Variants in THOC7 observed in about 807,000 individuals in gnomAD.
THOC7 encodes THO complex subunit 7.
In THOC7, 22 loss-of-function variants were observed where a neutral mutation model predicts 33.1. The ratio of observed to expected loss-of-function variants is 0.66; its 90% CI spans 0.47 to 0.95. THOC7 has a LOEUF of 0.95. Ranked by LOEUF, THOC7 falls within the 40% of genes least tolerant of loss-of-function variation. THOC7 has a pLI of 0.00. For synonymous variants in THOC7, 77 were observed against 76.8 expected (o/e 1.00, Z -0.01); for missense variants, 184 against 245.3 (o/e 0.75, Z 1.67).
chr3:63,849,509 G>C (rs1188409121), intron 1 of THOC7, among the ~76,000 whole-genome samples: 1 of 152,154 alleles, frequency 6.6e-6, no homozygotes, highest in Non-Finnish European at 1.5e-5. Flanking sequence ...AGTCTGATGT[G>C]TGCCTTCATT....
At chr3:63,835,828 T>C (rs758740528) in intron 5 of THOC7, among the ~76,000 whole-genome samples, 15 of 152,098 alleles carry the variant, frequency 9.9e-5, no homozygotes, top group Non-Finnish European at 2.2e-4. Context: ...ATTCTTATTC[T>C]TTTTTATGCA....
chr3:63,843,880 G>A (rs1038622673), intron 1 of THOC7, among the ~76,000 whole-genome samples: 1 of 151,722 alleles, frequency 6.6e-6, no homozygotes, highest in Admixed American at 6.6e-5. Flanking sequence ...CAGCCTGGGC[G>A]ACAGAGTGAG....
At chr3:63,841,746 CAAAT>C (rs1390963603) in intron 1 of THOC7, among the ~76,000 whole-genome samples, 7 of 152,104 alleles carry the variant, frequency 4.6e-5, no homozygotes, top group Non-Finnish European at 2.9e-5. Flanking sequence ...GAGACTGAGA[CAAAT>C]AAAACATAGT....
intron 1 of THOC7, among the ~76,000 whole-genome samples, chr3:63,846,600 T>A (rs1701902715): frequency 6.6e-6 from 1 of 151,980 alleles, no homozygotes; most frequent in Non-Finnish European, 1.5e-5. Flanking sequence ...AGTAGAGACG[T>A]GGTTTTACCA....
At chr3:63,837,915 C>A (rs1701667998) in intron 4 of THOC7, 61 bp downstream of exon 4, 3 of 1,465,352 alleles carry the variant, frequency 2.0e-6, no homozygotes, top group Admixed American at 2.2e-5. Flanking sequence ...ACATTAAAAA[C>A]TGCATGAAAA....
chr3:63,848,402 A>AGGGG (rs776616711), intron 1 of THOC7: 1 of 151,818 alleles, frequency 6.6e-6, no homozygotes, highest in Non-Finnish European at 1.5e-5. Context: ...CAATCAGAAA[A>AGGGG]TCGACTCCAC....
intron 1 of THOC7, among the ~76,000 whole-genome samples, chr3:63,848,876 A>G (rs1037070018): frequency 1.1e-4 from 16 of 152,212 alleles, no homozygotes; most frequent in Non-Finnish European, 1.8e-4. Context: ...GGTAAAGCAT[A>G]CTTTTATGAA....
At chr3:63,835,261 T>C (rs1047055877) in intron 6 of THOC7, 38 bp from the exon 7 acceptor site, 2 of 1,612,386 alleles carry the variant, frequency 1.2e-6, no homozygotes, top group Admixed American at 1.7e-5. Flanking sequence ...AAATGACCTG[T>C]ATATATAGAT....
At chr3:63,847,931 G>T (rs982104530) in intron 1 of THOC7, among the ~76,000 whole-genome samples, 4 of 152,132 alleles carry the variant, frequency 2.6e-5, no homozygotes, top group African/African-American at 9.7e-5. Context: ...GCCATGATGG[G>T]AATGGGGGTG....
intron 1 of THOC7, chr3:63,846,320 G>T: frequency 2.9e-6 from 1 of 347,006 alleles, no homozygotes; most frequent in Non-Finnish European, 5.8e-6. Context: ...TGGACTTCAG[G>T]GCCACAGTTC....
At chr3:63,857,134 G>A (rs1036486573) in intron 1 of THOC7, among the ~76,000 whole-genome samples, 3 of 152,218 alleles carry the variant, frequency 2.0e-5, no homozygotes, top group Non-Finnish European at 4.4e-5. Context: ...AGGCTCCAGA[G>A]AAGATACTTT....
intron 1 of THOC7, among the ~76,000 whole-genome samples, chr3:63,848,900 A>G (rs1252721415): frequency 6.6e-6 from 1 of 152,186 alleles, no homozygotes; most frequent in Non-Finnish European, 1.5e-5. Context: ...AAACAGAAAC[A>G]TTTGCTTTTT....
intron 1 of THOC7, among the ~76,000 whole-genome samples, chr3:63,856,423 T>G (rs1234542426): frequency 6.6e-6 from 1 of 152,202 alleles, no homozygotes; most frequent in Admixed American, 6.5e-5. Context: ...TAACAAATGA[T>G]AAATGCTTGA....
chr3:63,859,851 T>C (rs559509806), intron 1 of THOC7, among the ~76,000 whole-genome samples: 11 of 152,262 alleles, frequency 7.2e-5, no homozygotes, highest in Non-Finnish European at 1.3e-4. Flanking sequence ...GAGGATTGTC[T>C]GAAGAAGTTG....
At chr3:63,863,811 C>A, upstream of THOC7, 3 of 1,234,266 alleles carry the variant, frequency 2.4e-6, no homozygotes, top group South Asian at 1.2e-4. Flanking sequence ...GCGGCGGCGG[C>A]GGCGGCGGCG....
Position 63,863,358 on chromosome 3 carries a change from ACTGTCCACC to A in THOC7, c.19+405_19+413del, listed in dbSNP as rs1334137319. 7 of 808,870 alleles carry A rather than the reference ACTGTCCACC, an allele frequency of 8.7e-6. No individual in the cohort carries two copies. The African/African-American group carries it at 1.3e-4, about 15-fold the overall frequency. 50.1% of individuals were successfully genotyped at this position (808,870 alleles called of 1,614,324 possible). ...GGCCCCCAGCCCTAAGCCCGGCACC[ACTGTCCACC>A]CTTCGCGGCTCCTGGGTCCTCACCG... On this transcript the variant is annotated intron_variant, in intron 1 of 7. Transcript: ENST00000295899.
intron 1 of THOC7, 155 bp downstream of exon 1, chr3:63,863,617 C>G: frequency 8.4e-7 from 1 of 1,196,212 alleles, no homozygotes; most frequent in Non-Finnish European, 1.0e-6. Context: ...CGGGGAGGCC[C>G]GGGGCTCCGG....
rs1262164673 is a variant in THOC7, at chr3:63,834,078, T to C, written c.*54A>G. Reference sequence around the variant, plus strand: ...AAGAGCATACCACATTTTAAACACATTATGGTCATGTAGCTATTTCAATAT... The same window carrying C: ...AAGAGCATACCACATTTTAAACACACTATGGTCATGTAGCTATTTCAATAT... On this transcript the variant is annotated 3_prime_UTR_variant, in exon 8 of 8. Transcript: ENST00000295899. The C allele has an allele frequency of 2.5e-6, 4 of 1,576,012 alleles. No individual in the cohort carries two copies. The highest frequency in any genetic ancestry group is 2.2e-5 in the South Asian group (2 of 89,510).
chr3:63,852,365 T>A (rs1156783535), intron 1 of THOC7, among the ~76,000 whole-genome samples: 2 of 152,052 alleles, frequency 1.3e-5, no homozygotes, highest in Non-Finnish European at 2.9e-5. Flanking sequence ...GCAGTATAAG[T>A]GGGGTGGATG....
Sources: allele counts gnomAD v4.1 joint callset (sites outside exome capture counted in the v4.1 genomes callset), GRCh38; gene constraint gnomAD v4.1.1; transcripts MANE v1.5; gene names NCBI Gene and HGNC (gene_info 2026-07-23, HGNC 2026-07-21).